The following PTPRU variants were observed in gnomAD, a reference collection of about 807,000 sequenced individuals.
The protein encoded by PTPRU is protein tyrosine phosphatase receptor type U.
In PTPRU, 69 loss-of-function variants were observed where a neutral mutation model predicts 166.3. The observed-to-expected ratio is 0.41, with a 90% CI of 0.34 to 0.51. The LOEUF (loss-of-function observed/expected upper bound fraction) is 0.51. PTPRU is among the 20% of genes least tolerant of loss of function. The pLI, the probability that PTPRU is intolerant of heterozygous loss-of-function variation, is 0.09. For synonymous variants in PTPRU, 793 were observed against 814.0 expected, an observed-to-expected ratio of 0.97 and a Z score of 0.44; for missense variants, 1,657 against 2,013.7, an observed-to-expected ratio of 0.82 and a Z score of 3.39.
chr1:29,285,099 G>A (rs943028875), intron 14 of PTPRU, among the ~76,000 whole-genome samples: 1 of 152,194 alleles, frequency 6.6e-6, no homozygotes, highest in African/African-American at 2.4e-5. Context: ...GTTCTGGCTG[G>A]TGCCAGGTGC....
intron 2 of PTPRU, 135 bp downstream of exon 2, chr1:29,255,541 G>T: frequency 7.7e-7 from 1 of 1,306,266 alleles, no homozygotes; most frequent in Non-Finnish European, 1.1e-6. Context: ...TGACATACGT[G>T]ACACTGAATG....
At chr1:29,253,049 T>C (rs1684625941) in intron 1 of PTPRU, among the ~76,000 whole-genome samples, 1 of 152,200 alleles carries the variant, frequency 6.6e-6, no homozygotes. Flanking sequence ...TTGAGTTTGA[T>C]TAATTTGCTG....
intron 1 of PTPRU, among the ~76,000 whole-genome samples, chr1:29,246,396 C>CTA (rs1478196486): frequency 5.3e-5 from 8 of 152,198 alleles, no homozygotes; most frequent in Non-Finnish European, 1.0e-4. Flanking sequence ...GAGTCTATAT[C>CTA]TATAGTACAG....
chr1:29,266,156 G>A (rs1007089215), intron 7 of PTPRU, among the ~76,000 whole-genome samples: 4 of 151,684 alleles, frequency 2.6e-5, no homozygotes, highest in Non-Finnish European at 5.9e-5. Context: ...GAGTAGCTGG[G>A]ATTACAGGCA....
intron 22 of PTPRU, among the ~76,000 whole-genome samples, chr1:29,313,351 C>T (rs906609596): frequency 1.6e-4 from 24 of 152,174 alleles, no homozygotes; most frequent in Non-Finnish European, 1.5e-5. Context: ...ATCAGCTCCC[C>T]AAATGCCGCA....
chr1:29,287,500 G>A (rs1686409564), intron 14 of PTPRU, among the ~76,000 whole-genome samples: 1 of 152,066 alleles, frequency 6.6e-6, no homozygotes, highest in Admixed American at 6.5e-5. Flanking sequence ...GTGTAGGGAG[G>A]AGTGGTTTGT....
At chr1:29,322,320 C>T (rs916329596) in intron 26 of PTPRU, among the ~76,000 whole-genome samples, 6 of 152,192 alleles carry the variant, frequency 3.9e-5, no homozygotes, top group African/African-American at 1.4e-4. Flanking sequence ...CCTCCCAGAT[C>T]TCATGGTCCA....
At position 29,237,841 on chromosome 1, in the gene PTPRU, C is replaced by T. The variant is rs1221158841; in HGVS notation, c.73+1124C>T. Among the ~76,000 whole-genome samples, 2 of 144,984 alleles carry T rather than the reference C, an allele frequency of 1.4e-5. No individual in the cohort carries two copies. The highest frequency in any genetic ancestry group is 6.8e-5 in the Admixed American group (1 of 14,630). Reference sequence around the variant, plus strand: ...GGGAGGGCCGGACCGGCGGGCGCTCCTGCGGTGGCCGGGCCGCGGCTGCGC... The same window carrying T: ...GGGAGGGCCGGACCGGCGGGCGCTCTTGCGGTGGCCGGGCCGCGGCTGCGC... On this transcript the variant is annotated intron_variant, in intron 1 of 29. Transcript: ENST00000373779. The surrounding 1 kb of genome is among the most constrained non-coding windows in gnomAD (Gnocchi z 6.4).
Position 29,315,565 on chromosome 1 carries a change from G to A in PTPRU, c.3363+58G>A. 6.2e-7 allele frequency: 1 copy of A among 1,606,836 alleles called. No individual in the cohort carries two copies. The stretch of plus-strand genomic sequence containing the variant: ...TACTTCTAGGACTGGAGTTTCTCGT[G>A]AAGGATCCTGGAGCCGGCAGAGCAT... On this transcript the variant is annotated intron_variant, in intron 23 of 29. Coordinates refer to ENST00000373779, the MANE Select transcript of PTPRU (RefSeq NM_133178.4). The surrounding 1 kb of genome is among the most constrained non-coding windows in gnomAD (Gnocchi z 4.5).
Position 29,260,544 on chromosome 1 carries a change from C to CA in PTPRU, c.851-65dup. 9 of 1,232,644 alleles carry CA rather than the reference C, an allele frequency of 7.3e-6. No individual in the cohort carries two copies. The highest frequency in any genetic ancestry group is 7.7e-6 in the Non-Finnish European group (7 of 913,792). The allele number at this position is 1,232,644 out of a possible 1,614,324, so 76.4% of individuals were successfully genotyped here. On this transcript the variant is annotated intron_variant, in intron 6 of 29. Coordinates refer to ENST00000373779, the MANE Select transcript of PTPRU (RefSeq NM_133178.4). The surrounding 1 kb of genome is among the most constrained non-coding windows in gnomAD (Gnocchi z 8.3). ...AGAGGGATTTGGGTGTGGTGGAACTCAGAGTTGGGTGCTGGGGTCTCACAG... is the reference window on the plus strand; with the variant it reads ...AGAGGGATTTGGGTGTGGTGGAACTCAAGAGTTGGGTGCTGGGGTCTCACAG...
At chr1:29,272,161 T>A (rs1685584145) in intron 7 of PTPRU, among the ~76,000 whole-genome samples, 1 of 152,024 alleles carries the variant, frequency 6.6e-6, no homozygotes, top group Non-Finnish European at 1.5e-5. Flanking sequence ...AATGATGGCT[T>A]AAAACAAAAC....
At chr1:29,289,246 G>A (rs971615545) in intron 14 of PTPRU, among the ~76,000 whole-genome samples, 1 of 152,116 alleles carries the variant, frequency 6.6e-6, no homozygotes, top group African/African-American at 2.4e-5. Flanking sequence ...GTGAATATAT[G>A]TCTAAGTGAG....
At position 29,238,182 on chromosome 1, in the gene PTPRU, G is replaced by A. The variant is rs1016143117; in HGVS notation, c.73+1465G>A. 6.6e-6 allele frequency among the ~76,000 whole-genome samples: 1 copy of A among 151,756 alleles called. No individual in the cohort carries two copies. Among genetic ancestry groups the A allele is most frequent in the East Asian group, 1.9e-4 (1 of 5,138 alleles). ...CTTTGGTGTGCGTGCGCGTGTGTGT[G>A]TGCGCGCAGCTGAATGTATGTATAC... On this transcript the variant is annotated intron_variant, in intron 1 of 29. Transcript: ENST00000373779. This position sits in a 1 kb window ranked among gnomAD's most constrained non-coding sequence, Gnocchi z 6.1.
Position 29,258,615 on chromosome 1 carries a change from C to G in PTPRU, c.316C>G (p.Leu106Val). Reference protein sequence around the residue: ...DTHCVQFSYFLYSRDGHSPGT... With the variant: ...DTHCVQFSYFVYSRDGHSPGT... The stretch of plus-strand genomic sequence containing the variant: ...CCACTGTGTGCAGTTCAGCTACTTC[C>G]TGTACAGCCGGGACGGGCACAGCCC... The change falls in exon 3 of 30, where the codon CTG becomes GTG. Residue 106 changes from leucine (L) to valine (V), a missense_variant. Coordinates refer to ENST00000373779, the MANE Select transcript of PTPRU (RefSeq NM_133178.4). The G allele has an allele frequency of 1.9e-6, 3 of 1,614,262 alleles. No individual in the cohort carries two copies. The highest frequency in any genetic ancestry group is 2.5e-6 in the Non-Finnish European group (3 of 1,180,046).
chr1:29,241,433 T>C (rs1280944904), intron 1 of PTPRU, among the ~76,000 whole-genome samples: 1 of 151,988 alleles, frequency 6.6e-6, no homozygotes, highest in Non-Finnish European at 1.5e-5. Flanking sequence ...GCTGGCCAGG[T>C]GCCTGAGTGT....
In PTPRU at chr1:29,257,273, C is replaced by T. The variant is rs1013275898; in HGVS notation, c.206-1232C>T. 6.6e-6 allele frequency among the ~76,000 whole-genome samples: 1 copy of T among 152,110 alleles called. No individual in the cohort carries two copies. The highest frequency in any genetic ancestry group is 2.4e-5 in the African/African-American group (1 of 41,428). On this transcript the variant is annotated intron_variant, in intron 2 of 29. Transcript: ENST00000373779. This position sits in a 1 kb window ranked among gnomAD's most constrained non-coding sequence, Gnocchi z 4.6. Reference sequence around the variant, plus strand: ...GTGTGTTGGGGGTTGAGAAGTGCCCCTTCCTGGGTGGGGATGGGGACTTGA... The same window carrying T: ...GTGTGTTGGGGGTTGAGAAGTGCCCTTTCCTGGGTGGGGATGGGGACTTGA...
chr1:29,242,037 AC>A (rs1385846835), intron 1 of PTPRU, among the ~76,000 whole-genome samples: 1 of 144,376 alleles, frequency 6.9e-6, no homozygotes, highest in Non-Finnish European at 1.5e-5. Flanking sequence ...GATTACAGGC[AC>A]CCGCCACCAT....
At chr1:29,308,829 C>A (rs1306986538) in intron 18 of PTPRU, among the ~76,000 whole-genome samples, 1 of 151,940 alleles carries the variant, frequency 6.6e-6, no homozygotes, top group Non-Finnish European at 1.5e-5. Flanking sequence ...TTAGACCAGC[C>A]TGGGTAACAT....
rs182107889 is a variant in PTPRU, at chr1:29,280,328, C to T, written c.1868+187C>T. ...GCAAGAAGCCTGCAGTCCCTCCCCTCTGAGGCCATGGGTCTCAGATGGTGA... is the reference window on the plus strand; with the variant it reads ...GCAAGAAGCCTGCAGTCCCTCCCCTTTGAGGCCATGGGTCTCAGATGGTGA... On this transcript the variant is annotated intron_variant, in intron 11 of 29. Transcript: ENST00000373779. This position sits in a 1 kb window ranked among gnomAD's most constrained non-coding sequence, Gnocchi z 4.2. Among the ~76,000 whole-genome samples the T allele has an allele frequency of 2.0e-5, 3 of 152,346 alleles. No individual in the cohort carries two copies. Among genetic ancestry groups the T allele is most frequent in the East Asian group, 3.9e-4 (2 of 5,180 alleles).
Sources: gnomAD v4.1 joint callset for allele counts (sites outside exome capture counted in the v4.1 genomes callset) on GRCh38, gnomAD v4.1.1 for gene constraint, Gnocchi (gnomAD v3.1) non-coding constraint, MANE v1.5 for transcripts, NCBI Gene and HGNC (gene_info 2026-07-23, HGNC 2026-07-21) for gene names.